DDI2: variants seen among roughly 807,000 people sequenced by gnomAD.
DDI2 encodes the protein DDI proteasomal shuttling factor 2.
DDI2 carries 5 observed loss-of-function variants against 48.1 expected under a neutral mutation model. The ratio of observed to expected loss-of-function variants is 0.10; its 90% CI spans 0.05 to 0.22. The LOEUF (loss-of-function observed/expected upper bound fraction) is 0.22, where lower values mean the gene tolerates loss of function less well. Among genes scored for constraint, DDI2 ranks in the 10% least tolerant of loss-of-function variants. The pLI is 1.00. For missense variants in DDI2, 285 were observed against 506.2 expected (o/e 0.56, Z 4.19); for synonymous variants, 205 against 183.6 (o/e 1.12, Z -0.94).
intron 1 of DDI2, 138 bp downstream of exon 1, chr1:15,617,946 C>A: frequency 7.7e-7 from 1 of 1,306,748 alleles, no homozygotes; most frequent in Non-Finnish European, 1.0e-6. Flanking sequence ...ACCCCCGCAT[C>A]CGGAAAGGAG....
In DDI2 at chr1:15,617,548, G is replaced by A. The variant is rs1414896083; in HGVS notation, c.-123G>A. ...TGAGCGTGTGTGAGGGAGGGAGCGA[G>A]CGAGCGAACGAGCAGCCGGCGCCGT... On this transcript the variant is annotated 5_prime_UTR_variant, in exon 1 of 10. Transcript: ENST00000480945. 2 of 771,210 alleles carry A rather than the reference G, an allele frequency of 2.6e-6. No individual in the cohort carries two copies. Among genetic ancestry groups the A allele is most frequent in the African/African-American group, 1.8e-5 (1 of 54,698 alleles). The allele number at this position is 771,210 out of a possible 1,614,324, so 47.8% of individuals were successfully genotyped here.
chr1:15,665,837 A>G lies in DDI2; in HGVS notation c.*6047A>G, dbSNP rs1355106684. 1 of 152,236 alleles carries G rather than the reference A, an allele frequency of 6.6e-6. No homozygotes were observed. Among genetic ancestry groups the G allele is most frequent in the East Asian group, 1.9e-4 (1 of 5,176 alleles). The allele number at this position is 152,236 out of a possible 1,614,324, so 9.4% of individuals were successfully genotyped here. A position where few individuals can be genotyped will look rare whatever the true frequency, so the allele number is the denominator to read the frequency against. On this transcript the variant is annotated 3_prime_UTR_variant, in exon 10 of 10. Coordinates refer to ENST00000480945, the MANE Select transcript of DDI2 (RefSeq NM_032341.5). ...ACCTGTGGTGAGGGTGAGCAGGATG[A>G]TTGAACTGCTGCATATTTCAAACCT...
chr1:15,638,299 T>A lies in DDI2; in HGVS notation c.633-8T>A. 6.2e-7 allele frequency: 1 copy of A among 1,613,628 alleles called. No individual in the cohort carries two copies. Among genetic ancestry groups the A allele is most frequent in the Non-Finnish European group, 8.5e-7 (1 of 1,179,728 alleles). Reference sequence around the variant, plus strand: ...GCTTTCAGTGTCCCTGGTCTTGTTCTGTTACAGGCAACAGAACATTGAGGA... The same window carrying A: ...GCTTTCAGTGTCCCTGGTCTTGTTCAGTTACAGGCAACAGAACATTGAGGA... On this transcript the variant is annotated splice_polypyrimidine_tract_variant and splice_region_variant and intron_variant, in intron 4 of 9. Transcript: ENST00000480945.
At position 15,626,713 on chromosome 1, in the gene DDI2, G is replaced by A. The variant is rs1301758458; in HGVS notation, c.183G>A (p.Leu61=). ...ERPLTDNHRS[L]ASYGLKDGDV... Reference sequence around the variant, plus strand: ...CTCTCACAGACAACCACAGATCATTGGCTTCTTATGGCTTGAAAGATGGGG... The same window carrying A: ...CTCTCACAGACAACCACAGATCATTAGCTTCTTATGGCTTGAAAGATGGGG... The change falls in exon 2 of 10, where the codon TTG becomes TTA. Residue 61 remains leucine, a synonymous_variant. Coordinates refer to ENST00000480945, the MANE Select transcript of DDI2 (RefSeq NM_032341.5). The A allele has an allele frequency of 6.2e-7, 1 of 1,614,020 alleles. No individual in the cohort carries two copies. The highest frequency in any genetic ancestry group is 8.5e-7 in the Non-Finnish European group (1 of 1,180,032).
At chr1:15,632,569 A>G (rs1639861887) in intron 3 of DDI2, among the ~76,000 whole-genome samples, 1 of 152,172 alleles carries the variant, frequency 6.6e-6, no homozygotes, top group African/African-American at 2.4e-5. Context: ...TTCTTGTTGT[A>G]ACATACATCT....
intron 5 of DDI2, among the ~76,000 whole-genome samples, chr1:15,642,783 A>G (rs1640030349): frequency 6.6e-6 from 1 of 152,184 alleles, no homozygotes; most frequent in South Asian, 2.1e-4. Flanking sequence ...AATTAGCTGG[A>G]CGTGCCGGGT....
chr1:15,659,799 C>G (rs1490242113), intron 9 of DDI2, 38 bp from the exon 10 acceptor site: 1 of 1,478,542 alleles, frequency 6.8e-7, no homozygotes, highest in Non-Finnish European at 8.9e-7. Context: ...TAGTCACCTG[C>G]TAATTAATCT....
rs74930542 is a variant in DDI2, at chr1:15,628,862, C to A, written c.269-1463C>A. On this transcript the variant is annotated intron_variant, in intron 2 of 9. Coordinates refer to ENST00000480945, the MANE Select transcript of DDI2 (RefSeq NM_032341.5). ...ACCCATTTATAGTCATTTCCCATTT[C>A]CCCCTAGTCTCCGCAGCCTAGACAA... Among the ~76,000 whole-genome samples the A allele has an allele frequency of 6.4e-4, 98 of 152,298 alleles. 2 individuals are homozygous for A. The East Asian group carries it at 0.018, about 29-fold the overall frequency.
At chr1:15,655,623 G>A (rs1640259573) in intron 8 of DDI2, among the ~76,000 whole-genome samples, 1 of 151,492 alleles carries the variant, frequency 6.6e-6, no homozygotes, top group Admixed American at 6.6e-5. Flanking sequence ...CATGGTTGTG[G>A]GCGCCTGTAA....
At chr1:15,627,755 C>A (rs151243477) in intron 2 of DDI2, among the ~76,000 whole-genome samples, 1 of 152,268 alleles carries the variant, frequency 6.6e-6, no homozygotes, top group East Asian at 1.9e-4. Flanking sequence ...AGTGTTTAGC[C>A]TGTAGGTCAC....
chr1:15,629,867 G>A (rs1639815834), intron 2 of DDI2, among the ~76,000 whole-genome samples: 1 of 151,758 alleles, frequency 6.6e-6, no homozygotes, highest in Non-Finnish European at 1.5e-5. Flanking sequence ...GCGTAGCTGG[G>A]ATTACAGGTG....
chr1:15,646,646 C>T (rs564423304), intron 6 of DDI2, among the ~76,000 whole-genome samples: 2 of 152,006 alleles, frequency 1.3e-5, no homozygotes, highest in South Asian at 2.1e-4. Flanking sequence ...GAGATTGTGC[C>T]ATTTCACTCC....
chr1:15,636,617 T>C (rs1382322389), intron 4 of DDI2, among the ~76,000 whole-genome samples: 1 of 152,176 alleles, frequency 6.6e-6, no homozygotes, highest in East Asian at 1.9e-4. Context: ...GACTACAGGC[T>C]TGTGCTACCA....
rs1233697897 is a variant in DDI2, at chr1:15,661,889, T to G, written c.*2099T>G. The G allele has an allele frequency of 1.0e-6, 1 of 978,794 alleles. No homozygotes were observed. The highest frequency in any genetic ancestry group is 1.7e-5 in the African/African-American group (1 of 60,352). The allele number at this position is 978,794 out of a possible 1,614,324, so 60.6% of individuals were successfully genotyped here. A position where few individuals can be genotyped will look rare whatever the true frequency, so the allele number is the denominator to read the frequency against. Reference sequence around the variant, plus strand: ...AAAGATTTTTTTCGGCCAAAGTAATTTATGATCTTTTGTCTGATGAATTTG... The same window carrying G: ...AAAGATTTTTTTCGGCCAAAGTAATGTATGATCTTTTGTCTGATGAATTTG... On this transcript the variant is annotated 3_prime_UTR_variant, in exon 10 of 10. Coordinates refer to ENST00000480945, the MANE Select transcript of DDI2 (RefSeq NM_032341.5).
rs1640343331 is a variant in DDI2, at chr1:15,660,221, C to T, written c.*431C>T. The T allele has an allele frequency of 6.2e-7, 1 of 1,614,026 alleles. No individual in the cohort carries two copies. Among genetic ancestry groups the T allele is most frequent in the African/African-American group, 1.3e-5 (1 of 74,914 alleles). ...CTGGAGAAATCTGCTGAAAGAAGCA[C>T]CCAGGGCCTCAAATTTCATCTCCAT... On this transcript the variant is annotated 3_prime_UTR_variant, in exon 10 of 10. Coordinates refer to ENST00000480945, the MANE Select transcript of DDI2 (RefSeq NM_032341.5).
intron 4 of DDI2, among the ~76,000 whole-genome samples, chr1:15,636,496 A>AAT (rs56862826): frequency 6.6e-6 from 1 of 151,516 alleles, no homozygotes; most frequent in Non-Finnish European, 1.5e-5. Context: ...AAAAAAAAAA[A>AAT]GTATCTTGCT....
At chr1:15,634,832 C>G (rs531922112) in intron 4 of DDI2, among the ~76,000 whole-genome samples, 1 of 152,042 alleles carries the variant, frequency 6.6e-6, no homozygotes, top group Non-Finnish European at 1.5e-5. Context: ...GCACTTAGCC[C>G]GTCCTTCTTC....
chr1:15,619,763 T>A (rs1391926795), intron 1 of DDI2, among the ~76,000 whole-genome samples: 1 of 152,178 alleles, frequency 6.6e-6, no homozygotes, highest in African/African-American at 2.4e-5. Context: ...AGTGGCTTTT[T>A]CAATTGTTTT....
Position 15,665,593 on chromosome 1 carries a change from G to T in DDI2, c.*5803G>T, listed in dbSNP as rs1356146677. 1 of 152,164 alleles carries T rather than the reference G, an allele frequency of 6.6e-6. No homozygotes were observed. Among genetic ancestry groups the T allele is most frequent in the Non-Finnish European group, 1.5e-5 (1 of 68,034 alleles). 9.4% of individuals were successfully genotyped at this position (152,164 alleles called of 1,614,324 possible). A position where few individuals can be genotyped will look rare whatever the true frequency, so the allele number is the denominator to read the frequency against. On this transcript the variant is annotated 3_prime_UTR_variant, in exon 10 of 10. Transcript: ENST00000480945. ...CTTTTAAGCTCATGTCTATATATAT[G>T]TGTGTAAGCTAGCATATACATATGG...
Sources: allele counts gnomAD v4.1 joint callset (sites outside exome capture counted in the v4.1 genomes callset), GRCh38; gene constraint gnomAD v4.1.1; transcripts MANE v1.5; gene names NCBI Gene and HGNC (gene_info 2026-07-23, HGNC 2026-07-21).